The following ACVR2A variants were observed in gnomAD, a reference collection of about 807,000 sequenced individuals.
ACVR2A encodes the protein activin A receptor type 2A.
ACVR2A carries 7 observed loss-of-function variants against 61.4 expected under a neutral mutation model. The ratio of observed to expected loss-of-function variants is 0.11; its 90% CI spans 0.06 to 0.21. ACVR2A has a LOEUF of 0.21. ACVR2A is among the 10% of genes least tolerant of loss of function. ACVR2A has a pLI of 1.00. For synonymous variants in ACVR2A, 193 were observed against 208.3 expected, an observed-to-expected ratio of 0.93 and a Z score of 0.63; for missense variants, 322 against 621.7, an observed-to-expected ratio of 0.52 and a Z score of 5.13.
At chr2:147,919,833 A>G (rs1469811048) in intron 7 of ACVR2A, among the ~76,000 whole-genome samples, 4 of 152,160 alleles carry the variant, frequency 2.6e-5, no homozygotes, top group African/African-American at 9.7e-5. Flanking sequence ...GAAGGCCCCA[A>G]TTCAGCTATT....
At position 147,922,982 on chromosome 2, in the gene ACVR2A, C is replaced by A; in HGVS notation, c.1087C>A (p.Arg363=). Residue 363 remains arginine (R), a synonymous_variant, in exon 9 of 11, where the codon CGG becomes AGG. Coordinates refer to ENST00000241416, the MANE Select transcript of ACVR2A (RefSeq NM_001616.5). ...AGDTHGQVGT[R]RYMAPEVLEG... ...TTAACATCTTTTTCAGGTTGGTACC[C>A]GGAGGTACATGGCTCCAGAGGTATT... is the stretch of plus-strand genomic sequence containing the variant. 1 of 1,608,062 alleles carries A rather than the reference C, an allele frequency of 6.2e-7. No individual in the cohort carries two copies. Among genetic ancestry groups the A allele is most frequent in the Non-Finnish European group, 8.5e-7 (1 of 1,178,142 alleles).
chr2:147,886,254 A>G (rs1301323144), intron 1 of ACVR2A, among the ~76,000 whole-genome samples: 1 of 152,196 alleles, frequency 6.6e-6, no homozygotes, highest in African/African-American at 2.4e-5. Flanking sequence ...CCAGAGTGGC[A>G]GGAGCAATGA....
At position 147,917,565 on chromosome 2, in the gene ACVR2A, G is replaced by C. The variant is rs1052864753; in HGVS notation, c.816+139G>C. ...TAACCTGAAAATAAAAATCATTCTT[G>C]AATAAAAATGTTTTAAAAGGTAGTT... On this transcript the variant is annotated intron_variant, in intron 6 of 10. Transcript: ENST00000241416. 21 of 1,034,426 alleles carry C rather than the reference G, an allele frequency of 2.0e-5. No individual in the cohort carries two copies. In the African/African-American group the frequency reaches 3.4e-4, roughly 17 times the overall value. The allele number at this position is 1,034,426 out of a possible 1,614,324, so 64.1% of individuals were successfully genotyped here.
chr2:147,889,560 C>T (rs1411657708), intron 1 of ACVR2A, among the ~76,000 whole-genome samples: 15 of 151,736 alleles, frequency 9.9e-5, no homozygotes, highest in Admixed American at 8.5e-4. Context: ...CTGTCTAACA[C>T]GGTGAAACCC....
At chr2:147,844,894 T>G (rs987973326), upstream of ACVR2A, 15 of 388,510 alleles carry the variant, frequency 3.9e-5, no homozygotes, top group African/African-American at 2.1e-5. Context: ...TTTTCGTTGT[T>G]TGGTTTTGTG....
intron 7 of ACVR2A, among the ~76,000 whole-genome samples, chr2:147,919,932 G>A (rs959484373): frequency 2.0e-5 from 3 of 152,260 alleles, no homozygotes; most frequent in Admixed American, 2.0e-4. Flanking sequence ...GTAGTTTTAT[G>A]ATTGGTAGGT....
At chr2:147,893,510 T>C (rs998935511) in intron 1 of ACVR2A, among the ~76,000 whole-genome samples, 2 of 152,238 alleles carry the variant, frequency 1.3e-5, no homozygotes, top group African/African-American at 4.8e-5. Flanking sequence ...GTGAAAGTTC[T>C]AGTTGCTCAC....
At chr2:147,861,262 A>G (rs1159455779) in intron 1 of ACVR2A, among the ~76,000 whole-genome samples, 2 of 152,190 alleles carry the variant, frequency 1.3e-5, no homozygotes, top group Non-Finnish European at 2.9e-5. Flanking sequence ...ATTCCAGTAT[A>G]TTTATTGAGA....
At chr2:147,912,626 T>G (rs565880742) in intron 4 of ACVR2A, among the ~76,000 whole-genome samples, 1 of 152,098 alleles carries the variant, frequency 6.6e-6, no homozygotes, top group South Asian at 2.1e-4. Flanking sequence ...GCCAATTAAT[T>G]GAAAATCATT....
chr2:147,919,227 C>T (rs1687322756), intron 7 of ACVR2A, among the ~76,000 whole-genome samples: 1 of 152,114 alleles, frequency 6.6e-6, no homozygotes. Context: ...AGATACTTAG[C>T]TGAGTGCCAC....
intron 1 of ACVR2A, among the ~76,000 whole-genome samples, chr2:147,864,258 C>CT (rs1685798163): frequency 6.6e-6 from 1 of 152,246 alleles, no homozygotes; most frequent in East Asian, 1.9e-4. Context: ...GAGAGGGAGT[C>CT]TAACTGTGTC....
At chr2:147,875,941 G>A (rs1238118883) in intron 1 of ACVR2A, among the ~76,000 whole-genome samples, 1 of 151,950 alleles carries the variant, frequency 6.6e-6, no homozygotes, top group Non-Finnish European at 1.5e-5. Flanking sequence ...TTAGCTTCAG[G>A]GATCTAGAAA....
Position 147,901,208 on chromosome 2 carries a change from A to G in ACVR2A, c.528+1310A>G, listed in dbSNP as rs114998370. 7.1e-3 allele frequency among the ~76,000 whole-genome samples: 1,085 copies of G among 152,138 alleles called. 11 individuals carry two copies. The highest frequency in any genetic ancestry group is 0.025 in the African/African-American group (1,019 of 41,544). ...TACACTTTACCTTCTGTCAGTGATA[A>G]CTTTTAAAAAATTTGTTTTAGTATC... On this transcript the variant is annotated intron_variant, in intron 4 of 10. Coordinates refer to ENST00000241416, the MANE Select transcript of ACVR2A (RefSeq NM_001616.5).
chr2:147,879,631 T>A (rs747428326), intron 1 of ACVR2A, among the ~76,000 whole-genome samples: 1 of 152,232 alleles, frequency 6.6e-6, no homozygotes, highest in Non-Finnish European at 1.5e-5. Flanking sequence ...TCATGTGAGT[T>A]GAGGCTAAAG....
chr2:147,852,955 C>T (rs1421889857), intron 1 of ACVR2A, among the ~76,000 whole-genome samples: 1 of 151,992 alleles, frequency 6.6e-6, no homozygotes, highest in East Asian at 1.9e-4. Context: ...GGGGTTAACC[C>T]TTAAATTCAA....
chr2:147,887,724 T>C (rs557874562), intron 1 of ACVR2A, among the ~76,000 whole-genome samples: 1 of 152,316 alleles, frequency 6.6e-6, no homozygotes, highest in Admixed American at 6.5e-5. Flanking sequence ...GCAGTACTTA[T>C]TTTTTATGGT....
intron 5 of ACVR2A, 54 bp downstream of exon 5, chr2:147,915,388 C>T: frequency 1.1e-5 from 17 of 1,598,350 alleles, no homozygotes; most frequent in East Asian, 2.2e-5. Context: ...GCTAGGTCAT[C>T]ATAACTCAGA....
intron 4 of ACVR2A, among the ~76,000 whole-genome samples, chr2:147,909,046 G>A (rs1687056226): frequency 6.6e-6 from 1 of 152,080 alleles, no homozygotes. Flanking sequence ...CACAGGTAGT[G>A]ATTGTCTCTC....
intron 6 of ACVR2A, among the ~76,000 whole-genome samples, chr2:147,917,874 A>G (rs1687285635): frequency 6.6e-6 from 1 of 151,898 alleles, no homozygotes; most frequent in Non-Finnish European, 1.5e-5. Flanking sequence ...CCAAAATGTA[A>G]TTGCTAGTTT....
Sources: gnomAD v4.1 joint callset for allele counts (sites outside exome capture counted in the v4.1 genomes callset) on GRCh38, gnomAD v4.1.1 for gene constraint, MANE v1.5 for transcripts, NCBI Gene and HGNC (gene_info 2026-07-23, HGNC 2026-07-21) for gene names.